Variants in SHANK2 observed in about 807,000 individuals in gnomAD.
SHANK2 encodes SH3 and multiple ankyrin repeat domains 2.
SHANK2 carries 43 observed loss-of-function variants against 133.7 expected under a neutral mutation model. The ratio of observed to expected loss-of-function variants is 0.32; its 90% CI spans 0.25 to 0.41. SHANK2 has a LOEUF of 0.41. Ranked by LOEUF, SHANK2 falls within the 10% of genes least tolerant of loss-of-function variation. SHANK2 has a pLI of 1.00. For synonymous variants in SHANK2, 1,017 were observed against 952.8 expected (o/e 1.07, Z -1.24); for missense variants, 1,994 against 2,235.8 (o/e 0.89, Z 2.18).
chr11:70,503,833 C>T lies in SHANK2; in HGVS notation c.2062-902G>A, dbSNP rs538668507. Among the ~76,000 whole-genome samples, 344 of 152,366 alleles carry T rather than the reference C, an allele frequency of 2.3e-3. 2 individuals carry two copies. The highest frequency in any genetic ancestry group is 7.5e-3 in the African/African-American group (313 of 41,590). ...CCCACGCTACTCCCAGAGGAAAACC[C>T]GAGTGATGGAGACTGGAACTGGGTG... On this transcript the variant is annotated intron_variant, in intron 17 of 25. Coordinates refer to ENST00000601538, the MANE Select transcript of SHANK2 (RefSeq NM_012309.5).
chr11:70,522,920 C>A (rs548070263), intron 17 of SHANK2, among the ~76,000 whole-genome samples: 1 of 152,080 alleles, frequency 6.6e-6, no homozygotes, highest in Admixed American at 6.5e-5. Context: ...CGGCAACGTG[C>A]GGCCGCGGGC....
At chr11:70,603,183 G>C (rs185560547) in intron 17 of SHANK2, 2 of 152,344 alleles carry the variant, frequency 1.3e-5, no homozygotes, top group Non-Finnish European at 2.9e-5. Context: ...CAGCACCTCC[G>C]TGATGCTTCC....
chr11:70,529,419 A>G (rs2059440452), intron 17 of SHANK2, among the ~76,000 whole-genome samples: 1 of 152,214 alleles, frequency 6.6e-6, no homozygotes, highest in Non-Finnish European at 1.5e-5. Context: ...CGGGTTCCCC[A>G]TTACCACCCA....
chr11:70,604,382 T>C (rs1233538459), intron 17 of SHANK2: 1 of 152,332 alleles, frequency 6.6e-6, no homozygotes, highest in African/African-American at 2.4e-5. Context: ...GGCACACAGC[T>C]ACGTGGAGGA....
chr11:71,210,214 A>ATG (rs1954229423), intron 2 of SHANK2, among the ~76,000 whole-genome samples: 1 of 29,868 alleles, frequency 3.3e-5, no homozygotes, highest in Non-Finnish European at 6.4e-5. Context: ...CCACAGGTAT[A>ATG]TATATATATA....
intron 6 of SHANK2, among the ~76,000 whole-genome samples, chr11:71,104,058 T>C (rs1199515584): frequency 6.6e-6 from 1 of 151,992 alleles, no homozygotes; most frequent in Non-Finnish European, 1.5e-5. Flanking sequence ...CTGCAGAACC[T>C]AGAGCCAATT....
In SHANK2 at chr11:70,816,569, C is replaced by A. The variant is rs997219492; in HGVS notation, c.1493+3795G>T. Among the ~76,000 whole-genome samples the A allele has an allele frequency of 2.6e-5, 4 of 152,218 alleles. No homozygotes were observed. In the East Asian group the frequency reaches 7.7e-4, roughly 29 times the overall value. ...GCCCGTTAGTGCCACATGGCCAGGG[C>A]CCGTTGCCCTAGGAAAGAGCTGGTT... On this transcript the variant is annotated intron_variant, in intron 12 of 25. Coordinates refer to ENST00000601538, the MANE Select transcript of SHANK2 (RefSeq NM_012309.5).
At chr11:70,613,007 C>T (rs2060682513) in intron 17 of SHANK2, among the ~76,000 whole-genome samples, 2 of 152,086 alleles carry the variant, frequency 1.3e-5, no homozygotes, top group Non-Finnish European at 2.9e-5. Context: ...GCATCATTTC[C>T]AGCGTCTTGC....
intron 11 of SHANK2, among the ~76,000 whole-genome samples, chr11:70,828,605 G>A (rs551427157): frequency 2.0e-5 from 3 of 152,358 alleles, no homozygotes; most frequent in East Asian, 3.9e-4. Context: ...TGTGTCCTCC[G>A]GGTGGACCAG....
chr11:71,187,565 TG>T (rs1332676380), intron 2 of SHANK2, among the ~76,000 whole-genome samples: 9 of 152,164 alleles, frequency 5.9e-5, no homozygotes, highest in Non-Finnish European at 1.0e-4. Context: ...GCACAGTTCA[TG>T]GGTTTCTCAT....
intron 8 of SHANK2, among the ~76,000 whole-genome samples, chr11:71,075,654 C>T (rs1951208982): frequency 6.6e-6 from 1 of 152,190 alleles, no homozygotes; most frequent in East Asian, 1.9e-4. Flanking sequence ...CCAGAAGGCT[C>T]AGACCCGGCT....
intron 15 of SHANK2, among the ~76,000 whole-genome samples, chr11:70,670,622 G>C (rs1474710194): frequency 6.6e-6 from 1 of 152,240 alleles, no homozygotes; most frequent in African/African-American, 2.4e-5. Flanking sequence ...CACACGTGCA[G>C]CTGCTCCCAG....
At chr11:70,619,996 G>A (rs782758758) in intron 17 of SHANK2, among the ~76,000 whole-genome samples, 38 of 152,300 alleles carry the variant, frequency 2.5e-4, no homozygotes, top group Admixed American at 1.0e-3. Context: ...GGACACTTGA[G>A]GACCTTGTTT....
At chr11:71,080,207 T>A (rs1951279498) in intron 8 of SHANK2, among the ~76,000 whole-genome samples, 1 of 151,948 alleles carries the variant, frequency 6.6e-6, no homozygotes, top group Non-Finnish European at 1.5e-5. Context: ...AGGTGCTTTT[T>A]GGAAAATGCA....
chr11:70,542,236 A>C (rs2136034032), intron 17 of SHANK2, among the ~76,000 whole-genome samples: 1 of 152,300 alleles, frequency 6.6e-6, no homozygotes, highest in Non-Finnish European at 1.5e-5. Context: ...TAAGTTAAGG[A>C]TTTCGAGATG....
intron 11 of SHANK2, among the ~76,000 whole-genome samples, chr11:70,842,359 G>C (rs1440757621): frequency 1.3e-5 from 2 of 152,132 alleles, no homozygotes; most frequent in African/African-American, 4.8e-5. Flanking sequence ...GCACCATGGT[G>C]ACCCCGAGGT....
intron 1 of SHANK2, among the ~76,000 whole-genome samples, chr11:71,238,495 C>A: frequency 6.6e-6 from 1 of 152,234 alleles, no homozygotes; most frequent in East Asian, 1.9e-4. Context: ...GGTCACACAG[C>A]AACACAGCAG....
intron 9 of SHANK2, among the ~76,000 whole-genome samples, chr11:71,065,499 G>A (rs1236447268): frequency 6.9e-6 from 1 of 144,798 alleles, no homozygotes; most frequent in East Asian, 2.1e-4. Context: ...TGAGCAGTGA[G>A]TGGGGAAGTT....
At chr11:71,148,860 C>T (rs1382460579) in intron 2 of SHANK2, among the ~76,000 whole-genome samples, 1 of 152,214 alleles carries the variant, frequency 6.6e-6, no homozygotes, top group Non-Finnish European at 1.5e-5. Context: ...AGATGCCACA[C>T]AGTCCTACAG....
Sources: gnomAD v4.1 joint callset for allele counts (sites outside exome capture counted in the v4.1 genomes callset) on GRCh38, gnomAD v4.1.1 for gene constraint, MANE v1.5 for transcripts, NCBI Gene and HGNC (gene_info 2026-07-23, HGNC 2026-07-21) for gene names.